Variants in TSGA10 observed in about 807,000 individuals in gnomAD.
The protein encoded by TSGA10 is testis specific 10, also known as testis-specific gene 10 protein.
A neutral mutation model predicts 96.6 loss-of-function variants in TSGA10; 43 were observed. The ratio of observed to expected loss-of-function variants is 0.44; its 90% CI spans 0.35 to 0.57. The LOEUF (loss-of-function observed/expected upper bound fraction) is 0.57, where lower values mean the gene tolerates loss of function less well. Among genes scored for constraint, TSGA10 ranks in the 20% least tolerant of loss-of-function variants. The pLI is 0.01. For synonymous variants in TSGA10, 229 were observed against 269.9 expected (o/e 0.85, Z 1.48); for missense variants, 703 against 834.4 (o/e 0.84, Z 1.94).
At chr2:99,080,192 T>A (rs1379480938) in intron 11 of TSGA10, among the ~76,000 whole-genome samples, 1 of 152,182 alleles carries the variant, frequency 6.6e-6, no homozygotes, top group Non-Finnish European at 1.5e-5. Context: ...ATCTTCTACA[T>A]CCAACACTCC....
intron 10 of TSGA10, among the ~76,000 whole-genome samples, chr2:99,094,913 G>A (rs1479311803): frequency 6.6e-6 from 1 of 152,060 alleles, no homozygotes; most frequent in Non-Finnish European, 1.5e-5. Flanking sequence ...CTACCCAGAG[G>A]AAAAGAAGTC....
chr2:99,144,773 A>G (rs1488432360), intron 1 of TSGA10, among the ~76,000 whole-genome samples: 1 of 151,884 alleles, frequency 6.6e-6, no homozygotes, highest in Non-Finnish European at 1.5e-5. Context: ...GTCACTAACT[A>G]TCCTCAAGGG....
At chr2:99,008,211 A>G (rs1190760105) in intron 20 of TSGA10, among the ~76,000 whole-genome samples, 1 of 152,220 alleles carries the variant, frequency 6.6e-6, no homozygotes, top group Non-Finnish European at 1.5e-5. Context: ...GACTACACAA[A>G]AATAAAAACT....
At chr2:99,113,344 T>C (rs146381871) in intron 4 of TSGA10, among the ~76,000 whole-genome samples, 1 of 152,236 alleles carries the variant, frequency 6.6e-6, no homozygotes, top group East Asian at 1.9e-4. Context: ...AGATCCTCCT[T>C]ATTATCTCTT....
chr2:99,009,769 A>T (rs1021282057), intron 20 of TSGA10, among the ~76,000 whole-genome samples: 1 of 152,128 alleles, frequency 6.6e-6, no homozygotes, highest in African/African-American at 2.4e-5. Context: ...AATGGAAGAA[A>T]GCAAGGATGA....
chr2:99,006,996 C>A (rs1048890591), intron 20 of TSGA10, among the ~76,000 whole-genome samples: 1 of 152,124 alleles, frequency 6.6e-6, no homozygotes, highest in African/African-American at 2.4e-5. Context: ...TTTGTAGGGA[C>A]ATGGATGAAG....
At chr2:99,071,974 T>C in intron 13 of TSGA10, 100 bp from the exon 14 acceptor site, 1 of 1,058,648 alleles carries the variant, frequency 9.4e-7, no homozygotes, top group South Asian at 1.8e-5. Flanking sequence ...ATGAAAACAT[T>C]TGAAGAGATT....
rs768222545 is a variant in TSGA10 at position 99,105,599 on chromosome 2, A to G, written c.309T>C (p.Thr103=). The part of the protein sequence containing the change: ...TAHAILRRVE[T]ERDVAFTDLR... The stretch of plus-strand genomic sequence containing the variant: ...AATCAGTAAAGGCTACATCTCTTTC[A>G]GTCTCCACTCGCCGGAGAATAGCAT... Residue 103 remains threonine (T), a synonymous_variant, in exon 8 of 21, where the codon ACT becomes ACC. Coordinates refer to ENST00000393483, the MANE Select transcript of TSGA10 (RefSeq NM_025244.4). The G allele has an allele frequency of 3.1e-6, 5 of 1,611,204 alleles. No individual in the cohort carries two copies. Among genetic ancestry groups the G allele is most frequent in the Non-Finnish European group, 4.2e-6 (5 of 1,177,530 alleles).
chr2:99,110,413 A>G (rs932214228), intron 5 of TSGA10, among the ~76,000 whole-genome samples: 2 of 152,232 alleles, frequency 1.3e-5, no homozygotes, highest in Non-Finnish European at 2.9e-5. Context: ...TTTAAATAAC[A>G]CTAAAATGTT....
At chr2:99,023,083 T>C (rs976619578) in intron 17 of TSGA10, among the ~76,000 whole-genome samples, 2 of 152,108 alleles carry the variant, frequency 1.3e-5, no homozygotes, top group Non-Finnish European at 2.9e-5. Flanking sequence ...TGCAGTGGCA[T>C]GAAGATGGCT....
chr2:99,003,806 T>C (rs1298171908), intron 20 of TSGA10, among the ~76,000 whole-genome samples: 1 of 152,190 alleles, frequency 6.6e-6, no homozygotes, highest in Non-Finnish European at 1.5e-5. Context: ...AAGCAGTGTG[T>C]AGAGGGAAAT....
intron 17 of TSGA10, among the ~76,000 whole-genome samples, chr2:99,034,694 A>T (rs1168746296): frequency 6.6e-6 from 1 of 152,142 alleles, no homozygotes; most frequent in Admixed American, 6.5e-5. Flanking sequence ...TCCTGGGCTG[A>T]ATAGAAATTT....
chr2:99,044,689 G>A (rs1334310683), intron 16 of TSGA10, among the ~76,000 whole-genome samples: 3 of 151,922 alleles, frequency 2.0e-5, no homozygotes, highest in Non-Finnish European at 4.4e-5. Context: ...GGACCAGGCA[G>A]ACAACAGAAC....
intron 10 of TSGA10, 103 bp from the exon 11 acceptor site, chr2:99,081,500 C>T (rs192950718): frequency 2.1e-4 from 94 of 452,042 alleles, no homozygotes; most frequent in Non-Finnish European, 3.2e-4. Context: ...ATATTTATTT[C>T]CTCTTAATAT....
intron 10 of TSGA10, among the ~76,000 whole-genome samples, chr2:99,086,898 T>A (rs1402136606): frequency 1.3e-5 from 2 of 151,110 alleles, no homozygotes; most frequent in Admixed American, 1.3e-4. Context: ...CAAGACCCTG[T>A]GTCTAAAAAA....
At chr2:99,068,768 T>C in intron 15 of TSGA10, 120 bp downstream of exon 15, 1 of 433,492 alleles carries the variant, frequency 2.3e-6, no homozygotes, top group Non-Finnish European at 4.1e-6. Flanking sequence ...TTGTCAAAAC[T>C]AAAATATACT....
chr2:99,076,413 G>C (rs148167615), intron 12 of TSGA10, among the ~76,000 whole-genome samples: 1 of 152,036 alleles, frequency 6.6e-6, no homozygotes, highest in Non-Finnish European at 1.5e-5. Context: ...AGACCTAATT[G>C]TAACATTTCA....
At chr2:99,033,245 C>A (rs2105063954) in intron 17 of TSGA10, among the ~76,000 whole-genome samples, 1 of 152,306 alleles carries the variant, frequency 6.6e-6, no homozygotes, top group African/African-American at 2.4e-5. Flanking sequence ...AAATTATCAG[C>A]CACATTAAAG....
intron 20 of TSGA10, among the ~76,000 whole-genome samples, chr2:99,009,571 C>CAAA (rs765452742): frequency 1.1e-4 from 5 of 45,436 alleles, no homozygotes; most frequent in Non-Finnish European, 2.1e-4. Flanking sequence ...GACCCTGTCT[C>CAAA]AAAAAAAAAA....
Sources: allele counts gnomAD v4.1 joint callset (sites outside exome capture counted in the v4.1 genomes callset), GRCh38; gene constraint gnomAD v4.1.1; transcripts MANE v1.5; gene names NCBI Gene and HGNC (gene_info 2026-07-23, HGNC 2026-07-21).